Variants in PREX2 observed in about 807,000 individuals in gnomAD.
The protein encoded by PREX2 is phosphatidylinositol-3,4,5-trisphosphate dependent Rac exchange factor 2, also known as phosphatidylinositol 3,4,5-trisphosphate-dependent Rac exchanger 2 protein.
PREX2 carries 107 observed loss-of-function variants against 203.2 expected under a neutral mutation model. The ratio of observed to expected loss-of-function variants is 0.53; its 90% CI spans 0.45 to 0.62. PREX2 has a LOEUF of 0.62. Among genes scored for constraint, PREX2 ranks in the 20% least tolerant of loss-of-function variants. PREX2 has a pLI of 0.00. For missense variants in PREX2, 1,777 were observed against 1,955.9 expected (o/e 0.91, Z 1.72); for synonymous variants, 672 against 663.6 (o/e 1.01, Z -0.19).
intron 1 of PREX2, 122 bp downstream of exon 1, chr8:67,952,657 C>T (rs773275351): frequency 7.3e-7 from 1 of 1,371,876 alleles, no homozygotes; most frequent in East Asian, 2.5e-5. Flanking sequence ...CGGGGCATCA[C>T]AGGCGCGGGA....
chr8:68,221,037 C>T lies in PREX2; in HGVS notation c.4707+3319C>T, dbSNP rs146283898. ...CTTCCTTCCTCTCCCCTTTTGGAGT[C>T]CGCAGTATCTGTTGTTTCCATCTTT... On this transcript the variant is annotated intron_variant, in intron 38 of 39. Transcript: ENST00000288368. Among the ~76,000 whole-genome samples the T allele has an allele frequency of 1.4e-4, 21 of 152,246 alleles. No homozygotes were observed. The East Asian group carries it at 4.1e-3, about 29-fold the overall frequency.
chr8:68,030,377 G>T lies in PREX2; in HGVS notation c.544-120G>T, dbSNP rs541834030. The T allele has an allele frequency of 1.0e-4, 83 of 801,084 alleles. No individual in the cohort carries two copies. In the African/African-American group the frequency reaches 1.3e-3, roughly 13 times the overall value. 49.6% of individuals were successfully genotyped at this position (801,084 alleles called of 1,614,324 possible). On this transcript the variant is annotated intron_variant, in intron 5 of 39. Coordinates refer to ENST00000288368, the MANE Select transcript of PREX2 (RefSeq NM_024870.4). ...TATTTTTGATCTTAGAGGAATTTGT[G>T]ATGTCACTTATGGAAGTGGCTCTCA... is the stretch of plus-strand genomic sequence containing the variant.
At chr8:68,030,414 G>T in intron 5 of PREX2, 83 bp from the exon 6 acceptor site, 1 of 1,343,584 alleles carries the variant, frequency 7.4e-7, no homozygotes, top group East Asian at 2.4e-5. Flanking sequence ...GATCTTTGCA[G>T]TTTTCATTTC....
Position 68,099,763 on chromosome 8 carries a change from A to G in PREX2, c.2635A>G (p.Thr879Ala). 1 of 1,613,668 alleles carries G rather than the reference A, an allele frequency of 6.2e-7. No individual in the cohort carries two copies. Among genetic ancestry groups the G allele is most frequent in the Non-Finnish European group, 8.5e-7 (1 of 1,179,646 alleles). ...AAATTCTCTAAATGAAGTGATTCCT[A>G]CTGACCTTCAGAGTAAATTCAGTGC... ...SLNSLNEVIP[T>A]DLQSKFSALC... Residue 879 changes from threonine (T) to alanine (A), a missense_variant, in exon 23 of 40, where the codon ACT becomes GCT. Coordinates refer to ENST00000288368, the MANE Select transcript of PREX2 (RefSeq NM_024870.4).
At chr8:68,089,204 C>T (rs369388800) in intron 19 of PREX2, among the ~76,000 whole-genome samples, 176 of 130,276 alleles carry the variant, frequency 1.4e-3, no homozygotes, top group African/African-American at 5.2e-3. Flanking sequence ...TCTCTTTTTC[C>T]CTTGTAGCTG....
chr8:68,181,686 G>A (rs534643648), intron 35 of PREX2, among the ~76,000 whole-genome samples: 2 of 152,116 alleles, frequency 1.3e-5, no homozygotes, highest in Middle Eastern at 3.4e-3. Context: ...ATAATTTTCA[G>A]TATTTTTTGA....
rs776312742 is a variant in PREX2 at position 68,093,762 on chromosome 8, C to T, written c.2368+40C>T. 6.5e-5 allele frequency: 72 copies of T among 1,114,472 alleles called. No homozygotes were observed. In the East Asian group the frequency reaches 1.7e-3, roughly 26 times the overall value. The allele number at this position is 1,114,472 out of a possible 1,614,324, so 69.0% of individuals were successfully genotyped here. A position where few individuals can be genotyped will look rare whatever the true frequency, so the allele number is the denominator to read the frequency against. On this transcript the variant is annotated intron_variant, in intron 21 of 39. Coordinates refer to ENST00000288368, the MANE Select transcript of PREX2 (RefSeq NM_024870.4). ...TTCTTCTTCATGTGCTTATAGTATT[C>T]TTTTCCACTGTGCATGTGCCTACTC...
intron 23 of PREX2, among the ~76,000 whole-genome samples, chr8:68,102,063 G>A (rs1313510191): frequency 6.6e-6 from 1 of 152,144 alleles, no homozygotes; most frequent in Non-Finnish European, 1.5e-5. Flanking sequence ...AGCTTTTAAG[G>A]CGCAGATGGG....
In PREX2 at chr8:68,235,801, G is replaced by A. The variant is rs1813254865; in HGVS notation, c.*4423G>A. ...GCTTCAAAGGCTTGGCATTAACAGT[G>A]ATGTCAGCATTCATACTGCCAACAG... is the stretch of plus-strand genomic sequence containing the variant. On this transcript the variant is annotated 3_prime_UTR_variant, in exon 40 of 40. Coordinates refer to ENST00000288368, the MANE Select transcript of PREX2 (RefSeq NM_024870.4). 6.6e-6 allele frequency: 1 copy of A among 152,142 alleles called. No homozygotes were observed. Among genetic ancestry groups the A allele is most frequent in the African/African-American group, 2.4e-5 (1 of 41,438 alleles). The allele number at this position is 152,142 out of a possible 1,614,324, so 9.4% of individuals were successfully genotyped here.
At chr8:68,136,165 C>T (rs1008439397) in intron 32 of PREX2, among the ~76,000 whole-genome samples, 1 of 152,072 alleles carries the variant, frequency 6.6e-6, no homozygotes, top group Admixed American at 6.6e-5. Flanking sequence ...ATGGTGCTAG[C>T]TGGACAGCTC....
At chr8:68,081,515 C>T (rs958709755) in intron 17 of PREX2, among the ~76,000 whole-genome samples, 23 of 152,188 alleles carry the variant, frequency 1.5e-4, no homozygotes, top group East Asian at 1.9e-4. Flanking sequence ...CCTGGAGCCC[C>T]GTGGAGACTG....
chr8:68,231,471 T>C lies in PREX2; in HGVS notation c.*93T>C. 3 of 629,216 alleles carry C rather than the reference T, an allele frequency of 4.8e-6. No homozygotes were observed. Among genetic ancestry groups the C allele is most frequent in the Non-Finnish European group, 4.9e-6 (2 of 409,228 alleles). 39.0% of individuals were successfully genotyped at this position (629,216 alleles called of 1,614,324 possible). The stretch of plus-strand genomic sequence containing the variant: ...CTAAACATTCTCCACTGAAGATACA[T>C]CAATGCTTTTTTTTTTTTTTTTTTC... On this transcript the variant is annotated 3_prime_UTR_variant, in exon 40 of 40. Coordinates refer to ENST00000288368, the MANE Select transcript of PREX2 (RefSeq NM_024870.4).
intron 25 of PREX2, among the ~76,000 whole-genome samples, chr8:68,111,806 C>T (rs1810541320): frequency 6.6e-6 from 1 of 152,152 alleles, no homozygotes; most frequent in South Asian, 2.1e-4. Flanking sequence ...TGCTGCCATG[C>T]AGTCGAGGTT....
intron 37 of PREX2, among the ~76,000 whole-genome samples, chr8:68,208,018 T>C (rs1277828359): frequency 3.9e-5 from 6 of 152,120 alleles, no homozygotes; most frequent in African/African-American, 1.4e-4. Context: ...TTGTATTTCA[T>C]GTGAAGAAAT....
intron 18 of PREX2, among the ~76,000 whole-genome samples, chr8:68,085,965 T>C (rs2129612066): frequency 6.6e-6 from 1 of 152,348 alleles, no homozygotes; most frequent in Middle Eastern, 3.4e-3. Flanking sequence ...TATAGAAGCA[T>C]GAACTTCTTC....
chr8:68,108,197 C>T lies in PREX2; in HGVS notation c.2804C>T (p.Pro935Leu), dbSNP rs374592463. The stretch of plus-strand genomic sequence containing the variant: ...CCACTGCACAGCAGTGATTTCTGCC[C>T]TACCAACTGCCATGTCAATGTGATG... The part of the protein sequence containing the change: ...ISPLHSSDFC[P>L]TNCHVNVMEV... The change falls in exon 24 of 40, where the codon CCT (proline) becomes CTT (leucine). Residue 935 changes from proline to leucine, a missense_variant. Pro to Leu is a moderately conservative substitution (Grantham distance 98). Transcript: ENST00000288368. 3.1e-6 allele frequency: 5 copies of T among 1,613,856 alleles called. No individual in the cohort carries two copies. In the African/African-American group the frequency reaches 5.3e-5, roughly 17 times the overall value.
In PREX2 at chr8:68,197,584, A is replaced by G. The variant is rs1160797499; in HGVS notation, c.4604+5059A>G. Among the ~76,000 whole-genome samples the G allele has an allele frequency of 2.6e-5, 4 of 151,882 alleles. No homozygotes were observed. The East Asian group carries it at 7.7e-4, about 29-fold the overall frequency. ...ACTAATACAACCTCCTAAAGGCCCC[A>G]TCTCTTAATATTACCACATTGGTGG... is the stretch of plus-strand genomic sequence containing the variant. On this transcript the variant is annotated intron_variant, in intron 37 of 39. Coordinates refer to ENST00000288368, the MANE Select transcript of PREX2 (RefSeq NM_024870.4).
chr8:68,059,163 AC>A (rs1808768180), intron 10 of PREX2, among the ~76,000 whole-genome samples: 6 of 152,246 alleles, frequency 3.9e-5, no homozygotes, highest in Admixed American at 2.6e-4. Flanking sequence ...AAAAAAGAAA[AC>A]TAGTCTACAA....
intron 1 of PREX2, among the ~76,000 whole-genome samples, chr8:67,976,583 A>G (rs1317430422): frequency 7.9e-6 from 1 of 127,230 alleles, no homozygotes; most frequent in Admixed American, 8.2e-5. Context: ...AGACAGAGAG[A>G]GAGATGGGAG....
Sources: allele counts gnomAD v4.1 joint callset (sites outside exome capture counted in the v4.1 genomes callset), GRCh38; gene constraint gnomAD v4.1.1; transcripts MANE v1.5; gene names NCBI Gene and HGNC (gene_info 2026-07-23, HGNC 2026-07-21).